CPNE8: variants seen among roughly 807,000 people sequenced by gnomAD.
The protein encoded by CPNE8 is copine-8.
A neutral mutation model predicts 81.5 loss-of-function variants in CPNE8; 45 were observed. That is an observed-to-expected ratio of 0.55 (90% CI 0.44 to 0.71). The LOEUF is 0.71. Among genes scored for constraint, CPNE8 ranks in the 30% least tolerant of loss-of-function variants. The probability of loss-of-function intolerance (pLI) is 0.00; values close to 1 mark genes in which losing one functional copy is unlikely to be tolerated. For synonymous variants in CPNE8, 252 were observed against 226.3 expected (o/e 1.11, Z -1.02); for missense variants, 594 against 672.1 (o/e 0.88, Z 1.28).
chr12:38,887,608 A>G (rs1944255269), intron 1 of CPNE8, among the ~76,000 whole-genome samples: 1 of 152,168 alleles, frequency 6.6e-6, no homozygotes, highest in Non-Finnish European at 1.5e-5. Context: ...GAATATCTGT[A>G]TAAAAACAAG....
intron 10 of CPNE8, among the ~76,000 whole-genome samples, chr12:38,760,171 T>C (rs138431233): frequency 0.015 from 2,240 of 152,154 alleles, 19 homozygotes; most frequent in South Asian, 0.025. Flanking sequence ...AGGGAGCACC[T>C]AGAGAGGCAG....
Position 38,851,892 on chromosome 12 carries a change from G to C in CPNE8, c.187-3230C>G, listed in dbSNP as rs928260160. ...GCTCCAGCCTCCTGGCCTTCTTGTA[G>C]GCCCTTTTACACACCAAACCCTTTC... On this transcript the variant is annotated intron_variant, in intron 3 of 19. Coordinates refer to ENST00000331366, the MANE Select transcript of CPNE8 (RefSeq NM_153634.3). 7.2e-5 allele frequency among the ~76,000 whole-genome samples: 11 copies of C among 152,142 alleles called. No individual in the cohort carries two copies. The East Asian group carries it at 2.1e-3, about 29-fold the overall frequency.
intron 1 of CPNE8, among the ~76,000 whole-genome samples, chr12:38,896,606 C>A (rs1460266657): frequency 6.6e-6 from 1 of 152,060 alleles, no homozygotes; most frequent in African/African-American, 2.4e-5. Flanking sequence ...TGTTCTAAAA[C>A]TTGGTTATTA....
In CPNE8 at chr12:38,905,545, G is replaced by C. The variant is rs377233527; in HGVS notation, c.-11C>G. On this transcript the variant is annotated 5_prime_UTR_variant, in exon 1 of 20. Transcript: ENST00000331366. ...GTAGCGGCTGTCCATATTGGGAGGA[G>C]GCGCCTTGGACTTGTCCGGCGCCCA... 41 of 1,554,984 alleles carry C rather than the reference G, an allele frequency of 2.6e-5. No individual in the cohort carries two copies. The African/African-American group carries it at 5.3e-4, about 20-fold the overall frequency.
At chr12:38,807,647 G>A (rs1303974556) in intron 6 of CPNE8, among the ~76,000 whole-genome samples, 2 of 151,762 alleles carry the variant, frequency 1.3e-5, no homozygotes, top group Non-Finnish European at 2.9e-5. Context: ...ACCATAAGAA[G>A]CCTAGAAGAA....
intron 6 of CPNE8, among the ~76,000 whole-genome samples, chr12:38,797,287 G>T (rs577849159): frequency 2.6e-5 from 4 of 152,152 alleles, no homozygotes; most frequent in Non-Finnish European, 5.9e-5. Context: ...AGCCTAACTG[G>T]GAGGCACCCC....
intron 7 of CPNE8, among the ~76,000 whole-genome samples, chr12:38,771,982 C>T (rs542424727): frequency 6.6e-6 from 1 of 152,156 alleles, no homozygotes; most frequent in South Asian, 2.1e-4. Context: ...GAGGTGGGGC[C>T]CCATGGAAGG....
intron 6 of CPNE8, among the ~76,000 whole-genome samples, chr12:38,794,250 G>C (rs1452138444): frequency 6.6e-6 from 1 of 152,024 alleles, no homozygotes; most frequent in Non-Finnish European, 1.5e-5. Context: ...ATGCTCAACA[G>C]GGTGAAAAAG....
upstream of CPNE8, chr12:38,906,385 G>A: frequency 1.0e-6 from 1 of 985,502 alleles, no homozygotes; most frequent in Non-Finnish European, 1.2e-6. Context: ...ATTTAAGGAA[G>A]CAATCTGGAT....
chr12:38,734,295 C>T (rs772063335), intron 10 of CPNE8, among the ~76,000 whole-genome samples: 2 of 152,022 alleles, frequency 1.3e-5, no homozygotes, highest in South Asian at 2.1e-4. Flanking sequence ...ATTTGCCTCA[C>T]ATCAATTATA....
chr12:38,727,540 G>A (rs1482844083), intron 11 of CPNE8, among the ~76,000 whole-genome samples: 1 of 152,084 alleles, frequency 6.6e-6, no homozygotes, highest in African/African-American at 2.4e-5. Context: ...GACTTATATG[G>A]AAGCTTTCTG....
At chr12:38,738,256 TTTTGGAAAACATCC>T (rs1940999971) in intron 10 of CPNE8, among the ~76,000 whole-genome samples, 1 of 152,200 alleles carries the variant, frequency 6.6e-6, no homozygotes, top group African/African-American at 2.4e-5. Flanking sequence ...GGAAAATGCA[TTTTGGAAAACATCC>T]TTTGATCATG....
intron 1 of CPNE8, among the ~76,000 whole-genome samples, chr12:38,890,564 G>A (rs959904792): frequency 2.0e-5 from 3 of 151,572 alleles, no homozygotes; most frequent in Non-Finnish European, 4.4e-5. Flanking sequence ...ATTTAAATTG[G>A]TGATAAAAAA....
chr12:38,853,865 A>T (rs1281483661), intron 3 of CPNE8, among the ~76,000 whole-genome samples: 1 of 152,118 alleles, frequency 6.6e-6, no homozygotes, highest in East Asian at 1.9e-4. Flanking sequence ...CACCAAGCAG[A>T]TGAACTATGT....
At chr12:38,781,497 T>C (rs979245133) in intron 6 of CPNE8, among the ~76,000 whole-genome samples, 1 of 152,088 alleles carries the variant, frequency 6.6e-6, no homozygotes, top group Non-Finnish European at 1.5e-5. Context: ...ACACCTACAT[T>C]AATAGCATAC....
intron 6 of CPNE8, among the ~76,000 whole-genome samples, chr12:38,817,335 C>T (rs1943042053): frequency 6.6e-6 from 1 of 152,184 alleles, no homozygotes; most frequent in Non-Finnish European, 1.5e-5. Context: ...TTCCAATTGC[C>T]TTCCTATATT....
intron 13 of CPNE8, among the ~76,000 whole-genome samples, chr12:38,711,193 C>T (rs1017265136): frequency 1.3e-5 from 2 of 152,160 alleles, no homozygotes; most frequent in African/African-American, 4.8e-5. Context: ...AAATTCATTG[C>T]TGTTGCATCA....
At chr12:38,661,314 T>G in intron 19 of CPNE8, among the ~76,000 whole-genome samples, 1 of 152,096 alleles carries the variant, frequency 6.6e-6, no homozygotes, top group Non-Finnish European at 1.5e-5. Flanking sequence ...TGCAGGGACA[T>G]GGATGAAGCT....
intron 10 of CPNE8, among the ~76,000 whole-genome samples, chr12:38,749,489 A>G (rs951724032): frequency 6.6e-6 from 1 of 152,200 alleles, no homozygotes; most frequent in African/African-American, 2.4e-5. Flanking sequence ...AGAAGGTAGG[A>G]AAATGTGGGA....
Sources: gnomAD v4.1 joint callset for allele counts (sites outside exome capture counted in the v4.1 genomes callset) on GRCh38, gnomAD v4.1.1 for gene constraint, MANE v1.5 for transcripts, NCBI Gene and HGNC (gene_info 2026-07-23, HGNC 2026-07-21) for gene names.